The following CPPED1 variants were observed in gnomAD, a reference collection of about 807,000 sequenced individuals.
CPPED1 encodes the protein calcineurin like phosphoesterase domain containing 1, also known as serine/threonine-protein phosphatase CPPED1.
A neutral mutation model predicts 28.0 loss-of-function variants in CPPED1; 28 were observed. That is an observed-to-expected ratio of 1.00 (90% CI 0.74 to 1.37). The LOEUF (loss-of-function observed/expected upper bound fraction) is 1.37. Ranked by LOEUF, CPPED1 falls within the 40% of genes most tolerant of loss-of-function variation. The probability of loss-of-function intolerance (pLI) is 0.00; values close to 1 mark genes in which losing one functional copy is unlikely to be tolerated. For synonymous variants in CPPED1, 198 were observed against 180.2 expected, an observed-to-expected ratio of 1.10 and a Z score of -0.79; for missense variants, 504 against 416.5, an observed-to-expected ratio of 1.21 and a Z score of -1.83.
At chr16:12,778,818 C>A (rs1234166442) in intron 2 of CPPED1, among the ~76,000 whole-genome samples, 1 of 152,190 alleles carries the variant, frequency 6.6e-6, no homozygotes, top group Non-Finnish European at 1.5e-5. Flanking sequence ...CAGTTACATT[C>A]CTTTCACTGG....
intron 2 of CPPED1, chr16:12,780,931 T>C (rs2080526599): frequency 2.0e-6 from 1 of 501,918 alleles, no homozygotes; most frequent in Non-Finnish European, 3.6e-6. Context: ...GGGAATCTGT[T>C]CCATTTTTCA....
chr16:12,766,633 G>C (rs538497129), intron 2 of CPPED1, among the ~76,000 whole-genome samples: 1 of 152,132 alleles, frequency 6.6e-6, no homozygotes, highest in Non-Finnish European at 1.5e-5. Context: ...ATCAGGTGTG[G>C]TGGCGGGCAC....
intron 3 of CPPED1, among the ~76,000 whole-genome samples, chr16:12,678,821 G>T (rs181586456): frequency 6.6e-6 from 1 of 151,824 alleles, no homozygotes; most frequent in Non-Finnish European, 1.5e-5. Flanking sequence ...AAAAAAAATC[G>T]TATCATCTGC....
At chr16:12,757,332 G>C (rs2080377067) in intron 2 of CPPED1, among the ~76,000 whole-genome samples, 2 of 152,014 alleles carry the variant, frequency 1.3e-5, no homozygotes, top group Non-Finnish European at 2.9e-5. Flanking sequence ...ATAACTACAA[G>C]CATTACTACA....
chr16:12,691,016 C>T (rs1262239410), intron 3 of CPPED1, among the ~76,000 whole-genome samples: 1 of 152,200 alleles, frequency 6.6e-6, no homozygotes, highest in East Asian at 1.9e-4. Context: ...CCATCAGCAC[C>T]CGTGCCCACG....
chr16:12,779,118 AACAT>A (rs1291075124), intron 2 of CPPED1, among the ~76,000 whole-genome samples: 1 of 152,238 alleles, frequency 6.6e-6, no homozygotes, highest in Non-Finnish European at 1.5e-5. Flanking sequence ...CAAGTTGGTA[AACAT>A]CTACGAGAAC....
chr16:12,674,663 A>C (rs1364127936), intron 3 of CPPED1, among the ~76,000 whole-genome samples: 2 of 152,086 alleles, frequency 1.3e-5, no homozygotes, highest in African/African-American at 2.4e-5. Flanking sequence ...CATCGTCTCC[A>C]TTTTACAGAT....
At chr16:12,715,153 G>A (rs952127447) in intron 2 of CPPED1, among the ~76,000 whole-genome samples, 1 of 152,116 alleles carries the variant, frequency 6.6e-6, no homozygotes, top group African/African-American at 2.4e-5. Context: ...TAATCTCTAT[G>A]TTTATCTTCA....
intron 3 of CPPED1, among the ~76,000 whole-genome samples, chr16:12,699,691 G>A (rs1473187064): frequency 6.6e-6 from 1 of 152,040 alleles, no homozygotes; most frequent in East Asian, 1.9e-4. Flanking sequence ...ATAATTAAAA[G>A]TTACCCTGAT....
intron 2 of CPPED1, among the ~76,000 whole-genome samples, chr16:12,705,332 A>ATTT (rs1165187843): frequency 6.6e-6 from 1 of 152,184 alleles, no homozygotes; most frequent in Non-Finnish European, 1.5e-5. Context: ...CTGAGATTAA[A>ATTT]TATTAGTGGA....
intron 3 of CPPED1, among the ~76,000 whole-genome samples, chr16:12,687,667 A>G (rs2079940403): frequency 6.6e-6 from 1 of 152,196 alleles, no homozygotes; most frequent in Non-Finnish European, 1.5e-5. Context: ...GCTACTCGGA[A>G]GGCTGAGGTT....
intron 3 of CPPED1, among the ~76,000 whole-genome samples, chr16:12,699,304 C>T (rs1329355887): frequency 6.6e-6 from 1 of 152,122 alleles, no homozygotes; most frequent in Non-Finnish European, 1.5e-5. Flanking sequence ...TTTATTTGTA[C>T]CGGCTATTGA....
At chr16:12,711,551 C>T (rs1429795484) in intron 2 of CPPED1, among the ~76,000 whole-genome samples, 3 of 152,174 alleles carry the variant, frequency 2.0e-5, no homozygotes, top group Non-Finnish European at 2.9e-5. Context: ...TATCAATATA[C>T]TCATGATCCC....
chr16:12,728,958 C>T (rs2080183869), intron 2 of CPPED1, among the ~76,000 whole-genome samples: 2 of 152,144 alleles, frequency 1.3e-5, no homozygotes, highest in African/African-American at 4.8e-5. Context: ...AATGGGACCC[C>T]CTGTCTGTGA....
At chr16:12,721,230 C>A (rs753522241) in intron 2 of CPPED1, among the ~76,000 whole-genome samples, 19 of 152,036 alleles carry the variant, frequency 1.2e-4, no homozygotes, top group Non-Finnish European at 2.1e-4. Flanking sequence ...GCAGATACCA[C>A]GGAAACTTAG....
intron 1 of CPPED1, among the ~76,000 whole-genome samples, chr16:12,793,075 T>C (rs1163993907): frequency 3.9e-5 from 6 of 152,158 alleles, no homozygotes; most frequent in Non-Finnish European, 8.8e-5. Context: ...CAAGCAGGTA[T>C]GTTCTGAGCA....
intron 2 of CPPED1, among the ~76,000 whole-genome samples, chr16:12,740,069 A>AAG: frequency 6.7e-6 from 1 of 149,664 alleles, no homozygotes; most frequent in African/African-American, 2.5e-5. Flanking sequence ...GAGAAAAGAA[A>AAG]AAAAGAAAGG....
At chr16:12,801,962 A>G (rs894152000) in intron 1 of CPPED1, among the ~76,000 whole-genome samples, 1 of 152,168 alleles carries the variant, frequency 6.6e-6, no homozygotes, top group Non-Finnish European at 1.5e-5. Flanking sequence ...CTTGACCTTC[A>G]GGGGTGGGGA....
intron 3 of CPPED1, among the ~76,000 whole-genome samples, chr16:12,669,121 C>T (rs2079840964): frequency 6.6e-6 from 1 of 152,140 alleles, no homozygotes. Context: ...ATGTGGTCTA[C>T]CCATACAATG....
Sources: allele counts gnomAD v4.1 joint callset (sites outside exome capture counted in the v4.1 genomes callset), GRCh38; gene constraint gnomAD v4.1.1; transcripts MANE v1.5; gene names NCBI Gene and HGNC (gene_info 2026-07-23, HGNC 2026-07-21).